Variants in SGCD observed in about 807,000 individuals in gnomAD.
The protein encoded by SGCD is sarcoglycan delta.
A neutral mutation model predicts 36.6 loss-of-function variants in SGCD; 18 were observed. The observed-to-expected ratio is 0.49, with a 90% CI of 0.34 to 0.73. SGCD has a LOEUF of 0.73. Ranked by LOEUF, SGCD falls within the 30% of genes least tolerant of loss-of-function variation. The pLI is 0.01. For missense variants in SGCD, 387 were observed against 346.7 expected (o/e 1.12, Z -0.92); for synonymous variants, 133 against 130.6 (o/e 1.02, Z -0.12).
At chr5:155,911,550 G>T in intron 1 of SGCD, among the ~76,000 whole-genome samples, 1 of 151,908 alleles carries the variant, frequency 6.6e-6, no homozygotes, top group East Asian at 1.9e-4. Context: ...CAGAGTCCTG[G>T]AAGTGTTTGA....
intron 4 of SGCD, among the ~76,000 whole-genome samples, chr5:156,548,266 C>T (rs1435495808): frequency 3.3e-5 from 5 of 152,056 alleles, no homozygotes; most frequent in South Asian, 2.1e-4. Context: ...GGATAGAAGT[C>T]GAATGTCCCC....
chr5:155,965,342 A>T (rs1424947527), intron 1 of SGCD, among the ~76,000 whole-genome samples: 2 of 152,092 alleles, frequency 1.3e-5, no homozygotes, highest in African/African-American at 2.4e-5. Context: ...GAGGCACTTG[A>T]TCTGTTATCC....
intron 3 of SGCD, among the ~76,000 whole-genome samples, chr5:156,279,177 T>C (rs1380852170): frequency 1.3e-5 from 2 of 152,190 alleles, no homozygotes; most frequent in Non-Finnish European, 2.9e-5. Context: ...GGAGAGGACT[T>C]GAGCCTGATC....
rs747748416 is a variant in SGCD at position 156,746,067 on chromosome 5, C to T, written c.576-11514C>T. ...TAAAATTAAAATACTGCAAATAAAG[C>T]GAAATTTACATGCAGACATATCAGA... On this transcript the variant is annotated intron_variant, in intron 7 of 8. Coordinates refer to ENST00000337851, the MANE Select transcript of SGCD (RefSeq NM_000337.6). Among the ~76,000 whole-genome samples the T allele has an allele frequency of 1.2e-4, 18 of 149,816 alleles. 1 individual carries two copies. The South Asian group carries it at 2.1e-3, about 18-fold the overall frequency.
chr5:156,741,762 A>G (rs1384702716), intron 7 of SGCD, among the ~76,000 whole-genome samples: 1 of 152,148 alleles, frequency 6.6e-6, no homozygotes, highest in Admixed American at 6.5e-5. Context: ...TGCAATCTAC[A>G]TGGTGAATTG....
At chr5:156,264,051 T>TA (rs201884680) in intron 3 of SGCD, among the ~76,000 whole-genome samples, 2,021 of 150,802 alleles carry the variant, frequency 0.013, 14 homozygotes, top group Non-Finnish European at 0.018. Context: ...AGATTGATTG[T>TA]AAAAAAAAAG....
chr5:156,633,054 A>G (rs1173297686), intron 6 of SGCD, among the ~76,000 whole-genome samples: 1 of 152,178 alleles, frequency 6.6e-6, no homozygotes, highest in Non-Finnish European at 1.5e-5. Context: ...CTCAGGGGCC[A>G]TGTGACTTCT....
the SGCD span, among the ~76,000 whole-genome samples, chr5:155,741,102 G>C: frequency 6.6e-6 from 1 of 152,190 alleles, no homozygotes; most frequent in Non-Finnish European, 1.5e-5. Context: ...TTAAAGGTGG[G>C]TTTAAAGATT....
chr5:156,124,577 A>G (rs1341799611), intron 3 of SGCD, among the ~76,000 whole-genome samples: 2 of 152,212 alleles, frequency 1.3e-5, no homozygotes, highest in Non-Finnish European at 2.9e-5. Flanking sequence ...CACAGTAACG[A>G]TAGACACTAA....
intron 3 of SGCD, among the ~76,000 whole-genome samples, chr5:156,381,344 T>A (rs541150381): frequency 3.6e-4 from 55 of 152,298 alleles, no homozygotes; most frequent in African/African-American, 1.2e-3. Context: ...AGAATGGGTG[T>A]CCTCTGCGAA....
chr5:155,963,840 A>C (rs879064143), intron 1 of SGCD, among the ~76,000 whole-genome samples: 1 of 152,114 alleles, frequency 6.6e-6, no homozygotes, highest in Admixed American at 6.6e-5. Context: ...TGTATTAAAA[A>C]TGAACCCCTT....
intron 3 of SGCD, among the ~76,000 whole-genome samples, chr5:156,463,216 T>A (rs530016872): frequency 1.3e-5 from 2 of 151,828 alleles, no homozygotes; most frequent in Non-Finnish European, 2.9e-5. Flanking sequence ...ATTTTTTGTA[T>A]TTTTTTTAGG....
At chr5:155,848,085 A>C in the SGCD span, among the ~76,000 whole-genome samples, 2 of 152,178 alleles carry the variant, frequency 1.3e-5, no homozygotes, top group African/African-American at 4.8e-5. Context: ...GAGTGGAATT[A>C]AGCTATTGGG....
At chr5:156,300,068 T>C (rs1238228332) in intron 3 of SGCD, among the ~76,000 whole-genome samples, 4 of 152,126 alleles carry the variant, frequency 2.6e-5, no homozygotes, top group African/African-American at 9.6e-5. Context: ...TACCTGTGGG[T>C]CTGTCGTATA....
chr5:156,599,969 A>G (rs1761098335), intron 6 of SGCD, among the ~76,000 whole-genome samples: 1 of 152,210 alleles, frequency 6.6e-6, no homozygotes, highest in Non-Finnish European at 1.5e-5. Flanking sequence ...GTGTAGAGTT[A>G]ATAGTACAGT....
At chr5:156,010,555 C>T (rs775812278) in intron 1 of SGCD, among the ~76,000 whole-genome samples, 4 of 152,146 alleles carry the variant, frequency 2.6e-5, no homozygotes, top group Non-Finnish European at 5.9e-5. Context: ...TAGGTAATTA[C>T]AGTATCTAGT....
chr5:156,725,437 G>GACT (rs1316726507), intron 7 of SGCD, among the ~76,000 whole-genome samples: 2 of 152,182 alleles, frequency 1.3e-5, no homozygotes, highest in African/African-American at 4.8e-5. Flanking sequence ...AAAGAAACAA[G>GACT]ACTACTTCAG....
chr5:156,685,978 C>T (rs981305182), intron 7 of SGCD, among the ~76,000 whole-genome samples: 10 of 152,218 alleles, frequency 6.6e-5, no homozygotes, highest in East Asian at 1.9e-4. Flanking sequence ...CTAGACTTAT[C>T]GTGAGTTTAC....
At chr5:156,597,428 T>C (rs1262916543) in intron 6 of SGCD, among the ~76,000 whole-genome samples, 10 of 152,168 alleles carry the variant, frequency 6.6e-5, no homozygotes, top group Non-Finnish European at 1.2e-4. Flanking sequence ...AGACACATTT[T>C]ACATGGAGGC....
Sources: allele counts gnomAD v4.1 joint callset (sites outside exome capture counted in the v4.1 genomes callset), GRCh38; gene constraint gnomAD v4.1.1; transcripts MANE v1.5; gene names NCBI Gene and HGNC (gene_info 2026-07-23, HGNC 2026-07-21).